Variants in KCNMB3 observed in about 807,000 individuals in gnomAD.
KCNMB3 encodes potassium calcium-activated channel subfamily M regulatory beta subunit 3.
Under a neutral mutation model 11.9 loss-of-function variants are expected in KCNMB3, and 18 were observed. The observed-to-expected ratio is 1.51, with a 90% CI of 1.04 to 2.23. KCNMB3 has a LOEUF of 2.23. KCNMB3 is among the 30% of genes most tolerant of loss of function. The pLI is 0.00. For missense variants in KCNMB3, 247 were observed against 329.4 expected (o/e 0.75, Z 1.94); for synonymous variants, 78 against 119.2 (o/e 0.65, Z 2.25).
intron 1 of KCNMB3, chr3:179,260,243 C>T: frequency 6.2e-7 from 1 of 1,613,910 alleles, no homozygotes; most frequent in Non-Finnish European, 8.5e-7. Context: ...GAGTTCTGGT[C>T]CTGTCATCTG....
rs1725568869 is a variant in KCNMB3, at chr3:179,244,532, A to G, written c.410T>C (p.Leu137Pro). The change falls in exon 2 of 3, where the codon CTA becomes CCA. Residue 137 changes from leucine (L) to proline (P), a missense_variant. Transcript: ENST00000392685. ...CTGGACAGCCTCTTCATTATAATGT[A>G]GGAGAGCTTTCTGACCTGGATGGCT... is the stretch of plus-strand genomic sequence containing the variant. ...NLSHPGQKAL[L>P]HYNEEAVQIN... The G allele has an allele frequency of 1.2e-6, 2 of 1,614,096 alleles. No homozygotes were observed. Among genetic ancestry groups the G allele is most frequent in the African/African-American group, 2.7e-5 (2 of 74,936 alleles).
intron 1 of KCNMB3, among the ~76,000 whole-genome samples, chr3:179,247,432 AAG>A (rs1398581791): frequency 6.6e-6 from 1 of 152,136 alleles, no homozygotes; most frequent in Non-Finnish European, 1.5e-5. Flanking sequence ...TAGCCAAGAC[AAG>A]AGAATCGCTT....
In KCNMB3 at chr3:179,244,489, C is replaced by T; in HGVS notation, c.447+6G>A. On this transcript the variant is annotated splice_donor_region_variant and intron_variant, in intron 2 of 2. Coordinates refer to ENST00000392685, the MANE Select transcript of KCNMB3 (RefSeq NM_171830.2). ...TGTCATAAGAACTCTTTAAACTTTA[C>T]AATACCTTGGGATTTATCTGGACAG... The T allele has an allele frequency of 6.2e-7, 1 of 1,612,942 alleles. No individual in the cohort carries two copies. The highest frequency in any genetic ancestry group is 8.5e-7 in the Non-Finnish European group (1 of 1,178,856).
intron 1 of KCNMB3, among the ~76,000 whole-genome samples, chr3:179,246,729 C>CT (rs1725656662): frequency 6.6e-6 from 1 of 152,142 alleles, no homozygotes; most frequent in African/African-American, 2.4e-5. Context: ...TTTAGAGTTA[C>CT]TTTTTTATCT....
rs1726374284 is a variant in KCNMB3 at position 179,266,574 on chromosome 3, G to T, written c.62+75C>A. ...AAGGAAACACTCACTCCCCAAGCTC[G>T]AGATGTCCCCTCTTCTTGCAACTGC... On this transcript the variant is annotated intron_variant, in intron 1 of 3. Transcript: ENST00000349697. The T allele has an allele frequency of 1.9e-6, 3 of 1,557,522 alleles. No individual in the cohort carries two copies. In the East Asian group the frequency reaches 6.8e-5, roughly 35 times the overall value.
chr3:179,265,754 G>A (rs1726355230), intron 1 of KCNMB3, among the ~76,000 whole-genome samples: 1 of 152,154 alleles, frequency 6.6e-6, no homozygotes, highest in Non-Finnish European at 1.5e-5. Context: ...CACCGCGCCT[G>A]GCACAAAAGG....
chr3:179,258,971 C>T lies in KCNMB3; in HGVS notation c.62+7678G>A, dbSNP rs1238362486. 3 of 1,614,054 alleles carry T rather than the reference C, an allele frequency of 1.9e-6. No homozygotes were observed. In the South Asian group the frequency reaches 3.3e-5, roughly 18 times the overall value. On this transcript the variant is annotated intron_variant, in intron 1 of 3. Coordinates refer to the KCNMB3 transcript ENST00000349697. ...ACATTGGCAGTGGAGAGAAAAGAGCCCCTCACACTCAGACTTCCTGTGCAC... is the reference window on the plus strand; with the variant it reads ...ACATTGGCAGTGGAGAGAAAAGAGCTCCTCACACTCAGACTTCCTGTGCAC...
intron 1 of KCNMB3, among the ~76,000 whole-genome samples, chr3:179,250,225 G>A (rs1454988759): frequency 6.6e-6 from 1 of 152,176 alleles, no homozygotes; most frequent in African/African-American, 2.4e-5. Context: ...CCATTTATAA[G>A]TGGATTCCCG....
intron 1 of KCNMB3, among the ~76,000 whole-genome samples, chr3:179,265,030 GTTTGC>G (rs1009673230): frequency 3.9e-5 from 6 of 152,168 alleles, no homozygotes; most frequent in African/African-American, 1.4e-4. Flanking sequence ...GGATACAGTA[GTTTGC>G]TTTGATGACA....
chr3:179,260,572 C>A, intron 1 of KCNMB3: 1 of 1,558,468 alleles, frequency 6.4e-7, no homozygotes, highest in Non-Finnish European at 8.8e-7. Context: ...CATCCCCTGT[C>A]GACTTGAGGG....
chr3:179,250,798 A>C lies in KCNMB3; in HGVS notation c.193T>G (p.Ser65Ala). 1 of 1,614,216 alleles carries C rather than the reference A, an allele frequency of 6.2e-7. No homozygotes were observed. Among genetic ancestry groups the C allele is most frequent in the African/African-American group, 1.3e-5 (1 of 75,052 alleles). The change falls in exon 1 of 3, where the codon TCA becomes GCA. Residue 65 changes from serine to alanine, a missense_variant. By Grantham distance (99) the Ser-to-Ala change is moderately conservative. Transcript: ENST00000392685. ...CCGAGCAAGAAGAACATTAGGACTG[A>C]GAAGCCCATCATGGCAAACCCCAGC... The part of the protein sequence containing the change: ...VMLGFAMMGF[S>A]VLMFFLLGTT...
intron 1 of KCNMB3, among the ~76,000 whole-genome samples, chr3:179,248,225 C>T (rs568937276): frequency 9.2e-5 from 14 of 152,302 alleles, no homozygotes; most frequent in African/African-American, 3.1e-4. Context: ...TCAGCTTTCT[C>T]ATTTATAAAA....
chr3:179,266,985 T>TCC (rs1726388137), upstream of KCNMB3: 1 of 1,096,420 alleles, frequency 9.1e-7, no homozygotes, highest in South Asian at 3.0e-5. Context: ...CGAAGCTGCT[T>TCC]CTCTCTCTTT....
chr3:179,257,458 TA>T (rs1162274169), intron 1 of KCNMB3, among the ~76,000 whole-genome samples: 1 of 152,238 alleles, frequency 6.6e-6, no homozygotes, highest in Non-Finnish European at 1.5e-5. Context: ...ACTTTACAAT[TA>T]TTTTTAAATG....
exon 1 of KCNMB3, chr3:179,266,946 CA>C: frequency 7.5e-7 from 1 of 1,326,296 alleles, no homozygotes; most frequent in Non-Finnish European, 9.6e-7. Flanking sequence ...TCTAGATGAT[CA>C]AGAAGGACCT....
chr3:179,251,668 T>C, upstream of KCNMB3: 11 of 1,236,230 alleles, frequency 8.9e-6, no homozygotes, highest in Non-Finnish European at 1.1e-5. Flanking sequence ...CCGGTGGGCA[T>C]GGCGGCATCC....
chr3:179,260,154 T>C, intron 1 of KCNMB3: 7 of 1,610,046 alleles, frequency 4.3e-6, no homozygotes, highest in Non-Finnish European at 6.0e-6. Flanking sequence ...CTCTCCAACC[T>C]GAGTCACCGC....
rs765491199 is a variant in KCNMB3, at chr3:179,258,953, C to T, written c.62+7696G>A. On this transcript the variant is annotated intron_variant, in intron 1 of 3. Transcript: ENST00000349697. ...ATTTAGAACATTCTACTTACATTGG[C>T]AGTGGAGAGAAAAGAGCCCCTCACA... 1.9e-6 allele frequency: 3 copies of T among 1,613,938 alleles called. No homozygotes were observed. In the East Asian group the frequency reaches 6.7e-5, roughly 36 times the overall value.
chr3:179,254,726 A>G (rs1725955943), upstream of KCNMB3, among the ~76,000 whole-genome samples: 1 of 152,090 alleles, frequency 6.6e-6, no homozygotes, highest in Non-Finnish European at 1.5e-5. Context: ...TCCTTTGAAC[A>G]AGGAGTCGGA....
Sources: allele counts gnomAD v4.1 joint callset (sites outside exome capture counted in the v4.1 genomes callset), GRCh38; gene constraint gnomAD v4.1.1; transcripts MANE v1.5; gene names NCBI Gene and HGNC (gene_info 2026-07-23, HGNC 2026-07-21).